Variants in SERAC1 observed in about 807,000 individuals in gnomAD.
SERAC1 encodes serine active site containing 1.
In SERAC1, 36 loss-of-function variants were observed where a neutral mutation model predicts 85.7. The ratio of observed to expected loss-of-function variants is 0.42; its 90% CI spans 0.32 to 0.55. The LOEUF is 0.55. Among genes scored for constraint, SERAC1 ranks in the 20% least tolerant of loss-of-function variants. SERAC1 has a pLI of 0.11. For missense variants in SERAC1, 629 were observed against 796.2 expected, an observed-to-expected ratio of 0.79 and a Z score of 2.53; for synonymous variants, 242 against 265.3, an observed-to-expected ratio of 0.91 and a Z score of 0.85.
intron 15 of SERAC1, chr6:158,114,460 T>C: frequency 9.1e-7 from 1 of 1,094,742 alleles, no homozygotes. Flanking sequence ...TAACAGTTGA[T>C]GATTCTCCAC....
At chr6:158,143,374 T>TACAC (rs1784977696) in intron 7 of SERAC1, among the ~76,000 whole-genome samples, 190 bp from the exon 8 acceptor site, 1 of 8,028 alleles carries the variant, frequency 1.2e-4, no homozygotes, top group South Asian at 4.7e-3. Context: ...TATATATATA[T>TACAC]ACACACACAC....
At chr6:158,151,713 C>T (rs978157773) in intron 3 of SERAC1, among the ~76,000 whole-genome samples, 4 of 152,162 alleles carry the variant, frequency 2.6e-5, no homozygotes, top group Admixed American at 2.6e-4. Flanking sequence ...GCGTGAGCTG[C>T]CGCGCCCGGC....
At position 158,114,777 on chromosome 6, in the gene SERAC1, A is replaced by AT; in HGVS notation, c.1684+11_1684+12insA. 1 of 1,609,018 alleles carries AT rather than the reference A, an allele frequency of 6.2e-7. No homozygotes were observed. Among genetic ancestry groups the AT allele is most frequent in the Non-Finnish European group, 8.5e-7 (1 of 1,178,092 alleles). Reference sequence around the variant, plus strand: ...ATATAACCCCAATTTCCTTTATGACAAAAAGTATTACCCTTGCTGAGTTCT... The same window carrying AT: ...ATATAACCCCAATTTCCTTTATGACATAAAAGTATTACCCTTGCTGAGTTCT... On this transcript the variant is annotated intron_variant, in intron 15 of 16. Transcript: ENST00000647468.
At chr6:158,168,089 T>G (rs1430611346) in intron 1 of SERAC1, 51 bp downstream of exon 1, 1 of 151,220 alleles carries the variant, frequency 6.6e-6, no homozygotes. Flanking sequence ...CGCGCCCAGC[T>G]GCGCCGACGC....
chr6:158,112,340 G>A (rs953548480), intron 16 of SERAC1: 3 of 152,342 alleles, frequency 2.0e-5, no homozygotes, highest in African/African-American at 7.2e-5. Flanking sequence ...TTGAGCCCAG[G>A]AGTTCGAGGC....
At chr6:158,163,755 CAG>C (rs1367001484) in intron 1 of SERAC1, among the ~76,000 whole-genome samples, 1 of 135,348 alleles carries the variant, frequency 7.4e-6, no homozygotes, top group Non-Finnish European at 1.6e-5. Context: ...TTCTTTTTGA[CAG>C]AGTCTCACTC....
intron 3 of SERAC1, among the ~76,000 whole-genome samples, chr6:158,154,992 C>T (rs918237556): frequency 3.3e-5 from 5 of 151,962 alleles, no homozygotes; most frequent in East Asian, 1.9e-4. Context: ...TTAAGCCTGC[C>T]GGAGCTGAGT....
intron 3 of SERAC1, among the ~76,000 whole-genome samples, chr6:158,154,932 G>A (rs1785291693): frequency 1.3e-5 from 2 of 152,030 alleles, no homozygotes; most frequent in South Asian, 4.2e-4. Context: ...GTGTGCCGGA[G>A]CTGAGTGAGT....
At chr6:158,144,189 G>C in intron 7 of SERAC1, 110 bp downstream of exon 7, 1 of 798,992 alleles carries the variant, frequency 1.3e-6, no homozygotes, top group Admixed American at 3.0e-5. Flanking sequence ...TTATCTGCTT[G>C]TGAGAAGTAG....
chr6:158,123,029 T>C (rs1784457282), intron 10 of SERAC1, among the ~76,000 whole-genome samples: 1 of 152,010 alleles, frequency 6.6e-6, no homozygotes, highest in Non-Finnish European at 1.5e-5. Context: ...GATCTGATAC[T>C]AAGATTGATA....
At position 158,119,237 on chromosome 6, in the gene SERAC1, C is replaced by A; in HGVS notation, c.1167-67G>T. 17 of 1,508,092 alleles carry A rather than the reference C, an allele frequency of 1.1e-5. No individual in the cohort carries two copies. Among genetic ancestry groups the A allele is most frequent in the Non-Finnish European group, 1.3e-5 (15 of 1,114,816 alleles). 93.4% of individuals were successfully genotyped at this position (1,508,092 alleles called of 1,614,324 possible). A position where few individuals can be genotyped will look rare whatever the true frequency, so the allele number is the denominator to read the frequency against. On this transcript the variant is annotated intron_variant, in intron 11 of 16. Coordinates refer to ENST00000647468, the MANE Select transcript of SERAC1 (RefSeq NM_032861.4). The surrounding 1 kb of genome is among the most constrained non-coding windows in gnomAD (Gnocchi z 4.5). Reference sequence around the variant, plus strand: ...ATTACTGCTTTGGTAAGAATCTACACAGCATTCTCTGTGGATGGTGCTTTA... The same window carrying A: ...ATTACTGCTTTGGTAAGAATCTACAAAGCATTCTCTGTGGATGGTGCTTTA...
intron 10 of SERAC1, among the ~76,000 whole-genome samples, chr6:158,124,059 A>G (rs1784478921): frequency 1.3e-5 from 2 of 152,226 alleles, no homozygotes; most frequent in African/African-American, 2.4e-5. Flanking sequence ...TGAGAAGGTC[A>G]TGGAATTGAG....
intron 3 of SERAC1, among the ~76,000 whole-genome samples, chr6:158,154,600 G>C (rs769538189): frequency 1.3e-5 from 2 of 152,096 alleles, no homozygotes; most frequent in African/African-American, 4.8e-5. Context: ...AAGTAAAAGA[G>C]TATGAAAAAT....
At chr6:158,149,095 T>C in intron 4 of SERAC1, 141 bp from the exon 5 acceptor site, 1 of 569,212 alleles carries the variant, frequency 1.8e-6, no homozygotes, top group South Asian at 2.3e-5. Context: ...GTTCACCCCA[T>C]TCTCCTGCTT....
intron 8 of SERAC1, among the ~76,000 whole-genome samples, chr6:158,137,604 G>A (rs1037877107): frequency 6.6e-6 from 1 of 152,016 alleles, no homozygotes; most frequent in African/African-American, 2.4e-5. Flanking sequence ...GGCCAGGCAC[G>A]GTGGCTCTCA....
At chr6:158,137,413 T>C (rs1784819532) in intron 8 of SERAC1, among the ~76,000 whole-genome samples, 1 of 151,906 alleles carries the variant, frequency 6.6e-6, no homozygotes, top group Admixed American at 6.6e-5. Context: ...TGCTCTGTCA[T>C]TTAAAAAAAA....
intron 5 of SERAC1, among the ~76,000 whole-genome samples, chr6:158,148,412 A>C (rs1250413368): frequency 6.6e-6 from 1 of 152,216 alleles, no homozygotes; most frequent in African/African-American, 2.4e-5. Flanking sequence ...AAGCCCTTAA[A>C]ATTAAATACA....
intron 1 of SERAC1, chr6:158,159,363 G>A (rs1364807013): frequency 1.3e-5 from 2 of 151,746 alleles, no homozygotes; most frequent in Admixed American, 1.3e-4. Flanking sequence ...GCCAGGTGTG[G>A]TGGTGCACTC....
intron 2 of SERAC1, among the ~76,000 whole-genome samples, chr6:158,156,411 T>C (rs1785334083): frequency 6.6e-6 from 1 of 152,080 alleles, no homozygotes; most frequent in Admixed American, 6.6e-5. Context: ...TGGAAGTCTA[T>C]AGAGATGGAT....
Sources: gnomAD v4.1 joint callset for allele counts (sites outside exome capture counted in the v4.1 genomes callset) on GRCh38, gnomAD v4.1.1 for gene constraint, Gnocchi (gnomAD v3.1) non-coding constraint, MANE v1.5 for transcripts, NCBI Gene and HGNC (gene_info 2026-07-23, HGNC 2026-07-21) for gene names.